Variants in ERC2 observed in about 807,000 individuals in gnomAD.
ERC2 encodes ELKS/RAB6-interacting/CAST family member 2.
A neutral mutation model predicts 114.8 loss-of-function variants in ERC2; 42 were observed. The observed-to-expected ratio is 0.37, with a 90% CI of 0.29 to 0.47. ERC2 has a LOEUF of 0.47. Ranked by LOEUF, ERC2 falls within the 20% of genes least tolerant of loss-of-function variation. The probability of loss-of-function intolerance (pLI) is 0.99; values close to 1 mark genes in which losing one functional copy is unlikely to be tolerated. For missense variants in ERC2, 939 were observed against 1,150.7 expected (o/e 0.82, Z 2.66); for synonymous variants, 454 against 425.5 (o/e 1.07, Z -0.82).
chr3:56,398,466 G>A (rs909723329), intron 2 of ERC2, among the ~76,000 whole-genome samples: 12 of 151,906 alleles, frequency 7.9e-5, no homozygotes, highest in African/African-American at 2.7e-4. Context: ...GTATGTCACA[G>A]GTAACATTTG....
intron 14 of ERC2, among the ~76,000 whole-genome samples, chr3:55,805,935 A>G (rs753276478): frequency 1.2e-4 from 19 of 152,168 alleles, no homozygotes; most frequent in Non-Finnish European, 2.1e-4. Context: ...AATATTGTCT[A>G]CTATGAGGAG....
chr3:55,872,206 C>T (rs920974049), intron 14 of ERC2, among the ~76,000 whole-genome samples: 6 of 152,138 alleles, frequency 3.9e-5, no homozygotes, highest in East Asian at 1.9e-4. Flanking sequence ...CCTAGGAATA[C>T]TCCACTCCAT....
At chr3:56,300,722 G>T (rs1418723594) in intron 2 of ERC2, among the ~76,000 whole-genome samples, 2 of 152,154 alleles carry the variant, frequency 1.3e-5, no homozygotes, top group East Asian at 3.8e-4. Context: ...AGAAAATGGG[G>T]ACAAAAAGTA....
chr3:55,923,578 A>G (rs1201026265), intron 13 of ERC2, among the ~76,000 whole-genome samples: 1 of 152,160 alleles, frequency 6.6e-6, no homozygotes, highest in Non-Finnish European at 1.5e-5. Context: ...ATTATTTTCA[A>G]TTTATTTATA....
At chr3:55,545,676 A>G (rs891302332) in intron 17 of ERC2, among the ~76,000 whole-genome samples, 1 of 152,178 alleles carries the variant, frequency 6.6e-6, no homozygotes, top group African/African-American at 2.4e-5. Flanking sequence ...TGGAGCAGAC[A>G]GAGTACACCA....
intron 13 of ERC2, among the ~76,000 whole-genome samples, 151 bp from the exon 14 acceptor site, chr3:55,888,700 A>G (rs1193977490): frequency 6.6e-6 from 1 of 152,118 alleles, no homozygotes; most frequent in Non-Finnish European, 1.5e-5. Context: ...TTTCTTTGTC[A>G]TTGAAACTAT....
rs2067608452 is a variant in ERC2, at chr3:55,952,179, A to ATATAT, written c.2268-1620_2268-1619insATATA. Among the ~76,000 whole-genome samples the ATATAT allele has an allele frequency of 3.4e-4, 21 of 62,106 alleles. No homozygotes were observed. In the East Asian group the frequency reaches 7.9e-3, roughly 23 times the overall value. The allele number at this position is 62,106 out of a possible 152,430, so 40.7% of individuals were successfully genotyped here. ...CACACACACACACACACACACACACACTCTCTCTCTCTCTCTCTCTATATA... is the reference window on the plus strand; with the variant it reads ...CACACACACACACACACACACACACATATATCTCTCTCTCTCTCTCTCTCTATATA... On this transcript the variant is annotated intron_variant, in intron 12 of 17. Transcript: ENST00000288221.
intron 17 of ERC2, among the ~76,000 whole-genome samples, chr3:55,615,428 C>T (rs2059083284): frequency 1.3e-5 from 2 of 152,108 alleles, no homozygotes; most frequent in African/African-American, 4.8e-5. Flanking sequence ...ACGCCATTGC[C>T]CACTGCACAG....
At chr3:55,967,273 T>C (rs1367212277) in intron 12 of ERC2, among the ~76,000 whole-genome samples, 1 of 152,216 alleles carries the variant, frequency 6.6e-6, no homozygotes, top group African/African-American at 2.4e-5. Context: ...GATTTTTCTA[T>C]ACTAGTAGGT....
intron 1 of ERC2, among the ~76,000 whole-genome samples, chr3:56,461,682 A>C (rs1193191951): frequency 6.6e-6 from 1 of 152,240 alleles, no homozygotes; most frequent in Non-Finnish European, 1.5e-5. Context: ...TATAAGATTC[A>C]CATAATCATG....
intron 12 of ERC2, among the ~76,000 whole-genome samples, chr3:55,980,138 C>G (rs575106738): frequency 8.6e-5 from 13 of 151,080 alleles, no homozygotes; most frequent in Non-Finnish European, 1.0e-4. Context: ...TTGTCTATCC[C>G]CAATAAAATA....
At chr3:56,010,138 G>C (rs1374427808) in intron 9 of ERC2, among the ~76,000 whole-genome samples, 2 of 152,172 alleles carry the variant, frequency 1.3e-5, no homozygotes. Flanking sequence ...TCTCAAGCAA[G>C]GGATCATGGG....
At chr3:56,307,713 G>A (rs993999146) in intron 2 of ERC2, among the ~76,000 whole-genome samples, 7 of 152,184 alleles carry the variant, frequency 4.6e-5, no homozygotes, top group South Asian at 2.1e-4. Context: ...CCCCAAATAC[G>A]TTCCCTGAAA....
In ERC2 at chr3:56,431,468, C is replaced by T. The variant is rs370752986; in HGVS notation, c.657+2883G>A. On this transcript the variant is annotated intron_variant, in intron 2 of 17. Transcript: ENST00000288221. The stretch of plus-strand genomic sequence containing the variant: ...CATCAGGATGCAGAAATCCTGGATC[C>T]TGAGTCACTGCATGGAAAAGACCCG... 1.5e-3 allele frequency among the ~76,000 whole-genome samples: 233 copies of T among 152,304 alleles called. 2 individuals are homozygous for T. Among genetic ancestry groups the T allele is most frequent in the Middle Eastern group, 0.014 (4 of 294 alleles).
chr3:55,603,233 A>G (rs1310840453), intron 17 of ERC2, among the ~76,000 whole-genome samples: 1 of 152,218 alleles, frequency 6.6e-6, no homozygotes, highest in Non-Finnish European at 1.5e-5. Context: ...TTATAAAATA[A>G]TAGCCTGTTA....
intron 3 of ERC2, 123 bp from the exon 4 acceptor site, chr3:56,173,643 C>T: frequency 1.3e-6 from 1 of 772,618 alleles, no homozygotes. Flanking sequence ...AAACAAGCCA[C>T]AGGTGTCTCT....
intron 14 of ERC2, among the ~76,000 whole-genome samples, chr3:55,780,445 T>C (rs942601532): frequency 1.3e-5 from 2 of 152,074 alleles, no homozygotes; most frequent in South Asian, 2.1e-4. Flanking sequence ...CCATTCATAA[T>C]AGCTAATAGG....
chr3:56,286,184 CG>C (rs2054690795), intron 3 of ERC2, among the ~76,000 whole-genome samples: 1 of 151,968 alleles, frequency 6.6e-6, no homozygotes, highest in Non-Finnish European at 1.5e-5. Context: ...GAGGCCGAGG[CG>C]GGTGGATCAC....
At chr3:55,524,980 A>G (rs1191786904) in intron 17 of ERC2, among the ~76,000 whole-genome samples, 1 of 152,216 alleles carries the variant, frequency 6.6e-6, no homozygotes, top group African/African-American at 2.4e-5. Flanking sequence ...GCAGTTGGTC[A>G]TCGTTAGTGC....
Sources: gnomAD v4.1 joint callset for allele counts (sites outside exome capture counted in the v4.1 genomes callset) on GRCh38, gnomAD v4.1.1 for gene constraint, MANE v1.5 for transcripts, NCBI Gene and HGNC (gene_info 2026-07-23, HGNC 2026-07-21) for gene names.